CAMTA1: variants seen among roughly 807,000 people sequenced by gnomAD.
The protein encoded by CAMTA1 is calmodulin binding transcription activator 1.
CAMTA1 carries 27 observed loss-of-function variants against 170.9 expected under a neutral mutation model. That is an observed-to-expected ratio of 0.16 (90% CI 0.12 to 0.22). CAMTA1 has a LOEUF of 0.22. Ranked by LOEUF, CAMTA1 falls within the 10% of genes least tolerant of loss-of-function variation. CAMTA1 has a pLI of 1.00. For missense variants in CAMTA1, 1,619 were observed against 2,217.2 expected, an observed-to-expected ratio of 0.73 and a Z score of 5.42; for synonymous variants, 833 against 891.5, an observed-to-expected ratio of 0.93 and a Z score of 1.17.
intron 1 of CAMTA1, among the ~76,000 whole-genome samples, chr1:6,798,022 G>C (rs976923555): frequency 2.1e-5 from 3 of 143,384 alleles, no homozygotes; most frequent in Non-Finnish European, 4.5e-5. Context: ...TTGAGACAAA[G>C]TCTTGCTCTT....
intron 7 of CAMTA1, among the ~76,000 whole-genome samples, chr1:7,661,114 G>C (rs2095952704): frequency 6.6e-6 from 1 of 152,222 alleles, no homozygotes; most frequent in South Asian, 2.1e-4. Context: ...TGAGCTACCT[G>C]ATGTCCAGGC....
At chr1:7,488,430 A>G (rs1385102681) in intron 6 of CAMTA1, among the ~76,000 whole-genome samples, 3 of 152,220 alleles carry the variant, frequency 2.0e-5, no homozygotes, top group East Asian at 3.9e-4. Flanking sequence ...GGACCCTGAG[A>G]GGGGCTGGGA....
intron 5 of CAMTA1, among the ~76,000 whole-genome samples, chr1:7,466,719 C>A (rs115225602): frequency 6.6e-6 from 1 of 152,036 alleles, no homozygotes; most frequent in African/African-American, 2.4e-5. Context: ...CCTTCTAGAG[C>A]GGATGCAGTG....
At chr1:6,809,649 G>C (rs1644942948) in intron 1 of CAMTA1, among the ~76,000 whole-genome samples, 1 of 152,132 alleles carries the variant, frequency 6.6e-6, no homozygotes, top group African/African-American at 2.4e-5. Context: ...ACAGTTGTGA[G>C]TGAGATTGGA....
At chr1:7,118,461 T>A (rs1644463130) in intron 4 of CAMTA1, among the ~76,000 whole-genome samples, 1 of 150,088 alleles carries the variant, frequency 6.7e-6, no homozygotes, top group Non-Finnish European at 1.5e-5. Flanking sequence ...CCTGGCTAAT[T>A]AAAAAAAAAA....
intron 3 of CAMTA1, among the ~76,000 whole-genome samples, chr1:6,947,525 C>T (rs998803314): frequency 5.3e-5 from 8 of 150,550 alleles, no homozygotes; most frequent in East Asian, 2.0e-4. Context: ...GGATTACAGG[C>T]GCGTGTCACC....
At position 7,113,823 on chromosome 1, in the gene CAMTA1, C is replaced by T. The variant is rs1256001208; in HGVS notation, c.302+22452C>T. Reference sequence around the variant, plus strand: ...TCCAAGTGCCTGGCAGAAATGAAGTCACTTTGGTGAGTGAGGTTTTACTTC... The same window carrying T: ...TCCAAGTGCCTGGCAGAAATGAAGTTACTTTGGTGAGTGAGGTTTTACTTC... On this transcript the variant is annotated intron_variant, in intron 4 of 22. Transcript: ENST00000303635. This position sits in a 1 kb window ranked among gnomAD's most constrained non-coding sequence, Gnocchi z 4.5. Among the ~76,000 whole-genome samples, 1 of 152,176 alleles carries T rather than the reference C, an allele frequency of 6.6e-6. No homozygotes were observed. The highest frequency in any genetic ancestry group is 1.9e-4 in the East Asian group (1 of 5,192).
At chr1:6,925,659 G>C (rs747654149) in intron 3 of CAMTA1, among the ~76,000 whole-genome samples, 2 of 152,168 alleles carry the variant, frequency 1.3e-5, no homozygotes, top group Non-Finnish European at 2.9e-5. Flanking sequence ...CTGCAGAGAG[G>C]CTGGACTATT....
chr1:6,908,700 C>T (rs916783239), intron 3 of CAMTA1, among the ~76,000 whole-genome samples: 3 of 152,204 alleles, frequency 2.0e-5, no homozygotes, highest in Non-Finnish European at 4.4e-5. Flanking sequence ...ATAACATACC[C>T]TTCATGAGAC....
intron 3 of CAMTA1, among the ~76,000 whole-genome samples, chr1:6,917,886 T>G (rs1681187418): frequency 6.7e-6 from 1 of 149,528 alleles, no homozygotes; most frequent in African/African-American, 2.5e-5. Flanking sequence ...TTTGGTGCTG[T>G]GAACAAGGGA....
At chr1:6,931,310 G>A (rs1057365585) in intron 3 of CAMTA1, among the ~76,000 whole-genome samples, 9 of 152,104 alleles carry the variant, frequency 5.9e-5, no homozygotes, top group African/African-American at 1.4e-4. Flanking sequence ...TGTGTTCGGC[G>A]AGGAAAGGAA....
chr1:6,788,579 G>C (rs1044815150), intron 1 of CAMTA1, among the ~76,000 whole-genome samples: 2 of 152,146 alleles, frequency 1.3e-5, no homozygotes, highest in African/African-American at 4.8e-5. Context: ...TATTTTTAGG[G>C]GGTGTTATTA....
intron 3 of CAMTA1, among the ~76,000 whole-genome samples, chr1:6,891,759 A>C (rs546560873): frequency 6.6e-6 from 1 of 152,258 alleles, no homozygotes; most frequent in Non-Finnish European, 1.5e-5. Context: ...ATTTTAATAC[A>C]TAAATAATCT....
intron 5 of CAMTA1, among the ~76,000 whole-genome samples, chr1:7,419,996 C>T (rs891286143): frequency 2.0e-4 from 30 of 152,166 alleles, no homozygotes; most frequent in Admixed American, 9.2e-4. Flanking sequence ...CATTGGCCCC[C>T]GTGGTCTCTT....
chr1:7,678,212 T>C (rs1266799222), intron 11 of CAMTA1, among the ~76,000 whole-genome samples: 1 of 152,248 alleles, frequency 6.6e-6, no homozygotes, highest in Non-Finnish European at 1.5e-5. Context: ...AGGCCTGGGC[T>C]TCTTTCGAAT....
chr1:6,800,641 T>C (rs1456049999), intron 1 of CAMTA1, among the ~76,000 whole-genome samples: 1 of 152,130 alleles, frequency 6.6e-6, no homozygotes, highest in Admixed American at 6.6e-5. Flanking sequence ...CTTTCTGGAG[T>C]TGATTAATAT....
In CAMTA1 at chr1:7,173,193, G is replaced by C. The variant is rs1184177358; in HGVS notation, c.303-76298G>C. Among the ~76,000 whole-genome samples, 4 of 152,162 alleles carry C rather than the reference G, an allele frequency of 2.6e-5. No individual in the cohort carries two copies. Among genetic ancestry groups the C allele is most frequent in the African/African-American group, 9.7e-5 (4 of 41,442 alleles). On this transcript the variant is annotated intron_variant, in intron 4 of 22. Transcript: ENST00000303635. This position sits in a 1 kb window ranked among gnomAD's most constrained non-coding sequence, Gnocchi z 5.4. ...CTTGAGGGTCACTATGTCTATGTTT[G>C]CATCCCAGCTTTACAGCTTCCCAGT...
chr1:6,926,448 CTTTCTTTCTTTCTTTCTTTCTT>C (rs1434598591), intron 3 of CAMTA1, among the ~76,000 whole-genome samples: 5 of 71,130 alleles, frequency 7.0e-5, no homozygotes, highest in African/African-American at 3.0e-4. Flanking sequence ...CTCTTTCTTT[CTTTCTTTCTTTCTTTCTTTCTT>C]TCTTTCTTTC....
At position 7,565,484 on chromosome 1, in the gene CAMTA1, G is replaced by A. The variant is rs116727758; in HGVS notation, c.511-74916G>A. 0.013 allele frequency among the ~76,000 whole-genome samples: 1,969 copies of A among 152,284 alleles called. 46 individuals are homozygous for A. Among genetic ancestry groups the A allele is most frequent in the African/African-American group, 0.043 (1,801 of 41,548 alleles). On this transcript the variant is annotated intron_variant, in intron 6 of 22. Transcript: ENST00000303635. This position sits in a 1 kb window ranked among gnomAD's most constrained non-coding sequence, Gnocchi z 4.5. ...GAGGCCAGGAACAGAGGGCTTGGCT[G>A]AGTGTCCACATCAGGGGCTGGGCTT...
Sources: allele counts gnomAD v4.1 joint callset (sites outside exome capture counted in the v4.1 genomes callset), GRCh38; gene constraint gnomAD v4.1.1; non-coding constraint Gnocchi (gnomAD v3.1); transcripts MANE v1.5; gene names NCBI Gene and HGNC (gene_info 2026-07-23, HGNC 2026-07-21).